The following ORC2 variants were observed in gnomAD, a reference collection of about 807,000 sequenced individuals.
The protein encoded by ORC2 is origin recognition complex subunit 2.
In ORC2, 37 loss-of-function variants were observed where a neutral mutation model predicts 77.7. The observed-to-expected ratio is 0.48, with a 90% confidence interval of 0.37 to 0.63. The LOEUF is 0.63. ORC2 is among the 20% of genes least tolerant of loss of function. ORC2 has a pLI of 0.00. For synonymous variants in ORC2, 201 were observed against 229.5 expected, an observed-to-expected ratio of 0.88 and a Z score of 1.12; for missense variants, 557 against 661.9, an observed-to-expected ratio of 0.84 and a Z score of 1.74.
chr2:200,940,921 G>T (rs533797471), intron 7 of ORC2, among the ~76,000 whole-genome samples: 2 of 152,200 alleles, frequency 1.3e-5, no homozygotes, highest in South Asian at 2.1e-4. Flanking sequence ...CCCTGCAAAA[G>T]AAACAGAACA....
At chr2:200,952,982 C>A (rs979408490) in intron 4 of ORC2, among the ~76,000 whole-genome samples, 2 of 151,362 alleles carry the variant, frequency 1.3e-5, no homozygotes, top group Non-Finnish European at 2.9e-5. Flanking sequence ...CATGGTGGTC[C>A]GCACCTGTAG....
At chr2:200,923,894 A>T (rs1213612147) in intron 13 of ORC2, among the ~76,000 whole-genome samples, 1 of 152,228 alleles carries the variant, frequency 6.6e-6, no homozygotes, top group Admixed American at 6.5e-5. Flanking sequence ...TGGGCAATGC[A>T]AACTTTTTGC....
chr2:200,913,792 A>G (rs2040591390), intron 16 of ORC2, 139 bp downstream of exon 16: 14 of 1,413,260 alleles, frequency 9.9e-6, no homozygotes, highest in South Asian at 1.7e-5. Context: ...AAAATTTGCT[A>G]TGTGGCAGAC....
intron 5 of ORC2, chr2:200,943,186 C>T (rs1179442331): frequency 1.3e-5 from 2 of 153,386 alleles, no homozygotes; most frequent in African/African-American, 4.8e-5. Context: ...TAAAATTATA[C>T]TTTAAAATCT....
At chr2:200,926,130 CAG>C (rs765131660) in intron 12 of ORC2, among the ~76,000 whole-genome samples, 198 bp from the exon 13 acceptor site, 2 of 151,826 alleles carry the variant, frequency 1.3e-5, no homozygotes, top group Admixed American at 1.3e-4. Flanking sequence ...TAAAAGAAAA[CAG>C]AAAAGAATAG....
At position 200,913,929 on chromosome 2, in the gene ORC2, A is replaced by G; in HGVS notation, c.1528+2T>C. On this transcript the variant is annotated splice_donor_variant, in intron 16 of 17. Coordinates refer to ENST00000234296, the MANE Select transcript of ORC2 (RefSeq NM_006190.5). LOFTEE classifies it high-confidence loss of function. The stretch of plus-strand genomic sequence containing the variant: ...CAATTGAATGTCATAAATATTGGAT[A>G]CCAATGTAAGAAGGGTTATCCTGGT... 3 of 1,586,226 alleles carry G rather than the reference A, an allele frequency of 1.9e-6. No individual in the cohort carries two copies. Among genetic ancestry groups the G allele is most frequent in the Non-Finnish European group, 2.6e-6 (3 of 1,171,752 alleles).
At chr2:200,955,875 A>T (rs1462556313) in intron 4 of ORC2, among the ~76,000 whole-genome samples, 1 of 152,190 alleles carries the variant, frequency 6.6e-6, no homozygotes, top group Non-Finnish European at 1.5e-5. Flanking sequence ...ACCTAAAAAA[A>T]TGTTTTATGT....
intron 5 of ORC2, among the ~76,000 whole-genome samples, chr2:200,945,956 T>C (rs1406121181): frequency 6.6e-6 from 1 of 152,130 alleles, no homozygotes; most frequent in Non-Finnish European, 1.5e-5. Context: ...CTATTTTTAA[T>C]TTACCCATTT....
chr2:200,926,676 C>T, intron 12 of ORC2, 92 bp downstream of exon 12: 1 of 1,354,710 alleles, frequency 7.4e-7, no homozygotes, highest in Non-Finnish European at 1.0e-6. Flanking sequence ...AAGGCTAAAA[C>T]AAAAATTCTT....
intron 4 of ORC2, among the ~76,000 whole-genome samples, chr2:200,954,846 A>T (rs1309977174): frequency 6.6e-6 from 1 of 152,080 alleles, no homozygotes; most frequent in Non-Finnish European, 1.5e-5. Context: ...AACATAGGGC[A>T]TGATGCCAAA....
At chr2:200,929,131 A>G (rs866602262) in intron 11 of ORC2, among the ~76,000 whole-genome samples, 1 of 152,036 alleles carries the variant, frequency 6.6e-6, no homozygotes, top group South Asian at 2.1e-4. Flanking sequence ...TTGTATTTTT[A>G]GTAGAGACAG....
intron 4 of ORC2, 47 bp downstream of exon 4, chr2:200,957,354 T>C: frequency 6.9e-7 from 1 of 1,459,464 alleles, no homozygotes; most frequent in Non-Finnish European, 9.2e-7. Context: ...TATAAAGCAA[T>C]TTCTGCTACT....
chr2:200,917,068 C>G (rs529226645), intron 15 of ORC2, among the ~76,000 whole-genome samples: 1 of 147,856 alleles, frequency 6.8e-6, no homozygotes, highest in East Asian at 2.0e-4. Context: ...GATCTTAGCT[C>G]AATGCAACCT....
intron 10 of ORC2, among the ~76,000 whole-genome samples, chr2:200,933,275 A>G (rs556257345): frequency 6.8e-6 from 1 of 147,028 alleles, no homozygotes; most frequent in East Asian, 2.0e-4. Context: ...ACCATGGTAC[A>G]TAGTAATCTT....
At position 200,935,905 on chromosome 2, in the gene ORC2, A is replaced by C. The variant is rs78156497; in HGVS notation, c.515-13T>G. 1 of 1,607,586 alleles carries C rather than the reference A, an allele frequency of 6.2e-7. No individual in the cohort carries two copies. The highest frequency in any genetic ancestry group is 1.3e-5 in the African/African-American group (1 of 74,542). ...TGAGACCTTGGAACTGTGGGGGGAA[A>C]AATAGCAATTTGGACAATTTCATGG... On this transcript the variant is annotated splice_polypyrimidine_tract_variant and intron_variant, in intron 8 of 17. Coordinates refer to ENST00000234296, the MANE Select transcript of ORC2 (RefSeq NM_006190.5).
intron 4 of ORC2, among the ~76,000 whole-genome samples, chr2:200,950,204 G>A (rs2041326339): frequency 1.3e-5 from 2 of 152,114 alleles, no homozygotes; most frequent in Admixed American, 1.3e-4. Flanking sequence ...GGGGGCACAT[G>A]CCTGTAGTTC....
intron 4 of ORC2, among the ~76,000 whole-genome samples, chr2:200,957,027 G>A (rs1331038651): frequency 6.6e-6 from 1 of 152,090 alleles, no homozygotes; most frequent in African/African-American, 2.4e-5. Context: ...TGGAGGGAGG[G>A]AGAGCATAAG....
intron 2 of ORC2, among the ~76,000 whole-genome samples, chr2:200,958,928 G>C (rs1473731631): frequency 6.6e-6 from 1 of 152,186 alleles, no homozygotes; most frequent in African/African-American, 2.4e-5. Context: ...AAGATTCAGT[G>C]TTCTTGGTGA....
intron 5 of ORC2, among the ~76,000 whole-genome samples, chr2:200,948,876 CTTAT>C (rs1318856012): frequency 6.6e-6 from 1 of 151,974 alleles, no homozygotes; most frequent in Non-Finnish European, 1.5e-5. Context: ...CAGCAAAACT[CTTAT>C]TTATTAATCA....
Sources: allele counts gnomAD v4.1 joint callset (sites outside exome capture counted in the v4.1 genomes callset), GRCh38; gene constraint gnomAD v4.1.1; transcripts MANE v1.5; gene names NCBI Gene and HGNC (gene_info 2026-07-23, HGNC 2026-07-21).